Variants in KAZN observed in about 807,000 individuals in gnomAD.
KAZN encodes the protein kazrin, periplakin interacting protein.
Under a neutral mutation model 87.4 loss-of-function variants are expected in KAZN, and 40 were observed. That is an observed-to-expected ratio of 0.46 (90% CI 0.36 to 0.60). KAZN has a LOEUF of 0.60. Among genes scored for constraint, KAZN ranks in the 20% least tolerant of loss-of-function variants. KAZN has a pLI of 0.00. For synonymous variants in KAZN, 466 were observed against 458.3 expected (o/e 1.02, Z -0.22); for missense variants, 898 against 1,073.9 (o/e 0.84, Z 2.29).
Position 13,987,914 on chromosome 1 carries a change from T to C in KAZN, c.91+94158T>C, listed in dbSNP as rs1018306983. On this transcript the variant is annotated intron_variant, in intron 1 of 16. Coordinates refer to the KAZN transcript ENST00000636203. Reference sequence around the variant, plus strand: ...GGCCAGTCAGTTCAAAATTGAGGGGTTGGCATCTGTTGAGAACCTTTGTGC... The same window carrying C: ...GGCCAGTCAGTTCAAAATTGAGGGGCTGGCATCTGTTGAGAACCTTTGTGC... Among the ~76,000 whole-genome samples, 7 of 152,196 alleles carry C rather than the reference T, an allele frequency of 4.6e-5. No homozygotes were observed. In the South Asian group the frequency reaches 1.2e-3, roughly 27 times the overall value.
rs551387606 is a variant in KAZN, at chr1:14,797,639, A to G, written c.227-163045A>G. On this transcript the variant is annotated intron_variant, in intron 1 of 14. Coordinates refer to ENST00000376030, the MANE Select transcript of KAZN (RefSeq NM_201628.3). ...TGATCTCACTAAGCTTTTTTATTCT[A>G]TTCTGCAAATAGAGGTTCTATAGCT... 2.6e-5 allele frequency among the ~76,000 whole-genome samples: 4 copies of G among 152,304 alleles called. No homozygotes were observed. The South Asian group carries it at 8.3e-4, about 32-fold the overall frequency.
At chr1:15,098,131 AC>A (rs1010776950) in intron 10 of KAZN, among the ~76,000 whole-genome samples, 3 of 152,200 alleles carry the variant, frequency 2.0e-5, no homozygotes, top group Non-Finnish European at 4.4e-5. Context: ...AAGTAATAGA[AC>A]CAGAACAGCT....
At chr1:15,103,295 C>T in intron 11 of KAZN, 64 bp from the exon 12 acceptor site, 2 of 1,202,050 alleles carry the variant, frequency 1.7e-6, no homozygotes, top group Non-Finnish European at 2.4e-6. Flanking sequence ...GGGGCACCCC[C>T]ACTCCACACG....
At chr1:14,204,961 C>T (rs1458000813) in intron 2 of KAZN, among the ~76,000 whole-genome samples, 3 of 152,182 alleles carry the variant, frequency 2.0e-5, no homozygotes, top group Admixed American at 2.0e-4. Flanking sequence ...TGATTTCTTG[C>T]CAATATGAAG....
chr1:14,740,344 G>C (rs1644053279), intron 1 of KAZN, among the ~76,000 whole-genome samples: 1 of 152,158 alleles, frequency 6.6e-6, no homozygotes. Context: ...GGAGGGAGTG[G>C]AATTTGACTT....
intron 1 of KAZN, among the ~76,000 whole-genome samples, chr1:13,997,832 A>C (rs1240454651): frequency 6.6e-6 from 1 of 152,178 alleles, no homozygotes; most frequent in Non-Finnish European, 1.5e-5. Context: ...CCAACCCAGC[A>C]AGACAGGCCA....
intron 2 of KAZN, among the ~76,000 whole-genome samples, chr1:14,281,641 C>T (rs1652843883): frequency 6.6e-6 from 1 of 152,190 alleles, no homozygotes; most frequent in East Asian, 1.9e-4. Context: ...CCTGGCATTT[C>T]CTCTATGCTG....
In KAZN at chr1:14,184,524, C is replaced by CAGG. The variant is rs1646263908; in HGVS notation, c.249+3936_249+3938dup. Among the ~76,000 whole-genome samples, 1 of 152,130 alleles carries CAGG rather than the reference C, an allele frequency of 6.6e-6. No homozygotes were observed. The highest frequency in any genetic ancestry group is 2.4e-5 in the African/African-American group (1 of 41,434). On this transcript the variant is annotated intron_variant, in intron 2 of 16. Transcript: ENST00000636203. The surrounding 1 kb of genome is among the most constrained non-coding windows in gnomAD (Gnocchi z 4.2). ...TGCCAAGCAAGAGCGGAAGCAGCAG[C>CAGG]AGGAGGGAAACCTGGCATTTAGGAG...
At chr1:13,979,626 C>A (rs188804617) in intron 1 of KAZN, among the ~76,000 whole-genome samples, 1 of 152,106 alleles carries the variant, frequency 6.6e-6, no homozygotes, top group Non-Finnish European at 1.5e-5. Context: ...ATAGTAATAC[C>A]GTGTAGAACT....
chr1:14,053,909 A>G (rs150077712), intron 1 of KAZN, among the ~76,000 whole-genome samples: 16 of 152,330 alleles, frequency 1.1e-4, no homozygotes, highest in African/African-American at 3.6e-4. Context: ...TTCTTACAAT[A>G]AAGTAAGCTA....
At chr1:14,879,817 G>A (rs1653153089) in intron 1 of KAZN, among the ~76,000 whole-genome samples, 1 of 152,170 alleles carries the variant, frequency 6.6e-6, no homozygotes, top group Non-Finnish European at 1.5e-5. Context: ...TCATCATGGA[G>A]GTAGTGACCA....
At chr1:14,359,300 C>T (rs1451462106) in intron 2 of KAZN, among the ~76,000 whole-genome samples, 2 of 151,588 alleles carry the variant, frequency 1.3e-5, no homozygotes, top group African/African-American at 2.4e-5. Flanking sequence ...AAATATTCCT[C>T]CATCCCTTTA....
chr1:14,429,537 A>G (rs1367186297), intron 2 of KAZN, among the ~76,000 whole-genome samples: 1 of 152,208 alleles, frequency 6.6e-6, no homozygotes, highest in African/African-American at 2.4e-5. Flanking sequence ...TAGATGGGAT[A>G]CACTATGGCA....
intron 1 of KAZN, among the ~76,000 whole-genome samples, chr1:14,640,248 G>T (rs1382094530): frequency 2.0e-5 from 3 of 152,178 alleles, no homozygotes; most frequent in African/African-American, 7.2e-5. Context: ...TGTGTGCCAG[G>T]TTTCAACCGT....
Position 14,944,237 on chromosome 1 carries a change from A to AG in KAZN, c.227-16447_227-16446insG, listed in dbSNP as rs1168883919. ...CCCAGCTCCCCCTCCTAAAAAAAAA[A>AG]AAAAAAAAGCAACTCACATTTTTCT... On this transcript the variant is annotated intron_variant, in intron 1 of 14. Transcript: ENST00000376030. 3.9e-5 allele frequency among the ~76,000 whole-genome samples: 6 copies of AG among 152,016 alleles called. No individual in the cohort carries two copies. The East Asian group carries it at 9.7e-4, about 24-fold the overall frequency.
At chr1:15,052,307 G>T (rs970511961) in intron 4 of KAZN, among the ~76,000 whole-genome samples, 1 of 152,148 alleles carries the variant, frequency 6.6e-6, no homozygotes, top group African/African-American at 2.4e-5. Flanking sequence ...AGGAGCAAAG[G>T]CACGTCTTAC....
chr1:13,974,585 G>A (rs1323648369), intron 1 of KAZN, among the ~76,000 whole-genome samples: 2 of 152,128 alleles, frequency 1.3e-5, no homozygotes, highest in African/African-American at 4.8e-5. Context: ...GACAGAAGAG[G>A]AGAAGACAAT....
intron 2 of KAZN, among the ~76,000 whole-genome samples, chr1:14,308,176 G>A (rs969278361): frequency 2.6e-5 from 4 of 152,186 alleles, no homozygotes; most frequent in Non-Finnish European, 5.9e-5. Context: ...GTACTTTCAG[G>A]TTGCATCCTG....
intron 2 of KAZN, among the ~76,000 whole-genome samples, chr1:14,202,019 T>G (rs1370842109): frequency 6.6e-6 from 1 of 152,208 alleles, no homozygotes; most frequent in Non-Finnish European, 1.5e-5. Context: ...ATGGAGTGCT[T>G]CTTAAATGCC....
Sources: allele counts gnomAD v4.1 joint callset (sites outside exome capture counted in the v4.1 genomes callset), GRCh38; gene constraint gnomAD v4.1.1; non-coding constraint Gnocchi (gnomAD v3.1); transcripts MANE v1.5; gene names NCBI Gene and HGNC (gene_info 2026-07-23, HGNC 2026-07-21).